Variants in PKHD1L1 observed in about 807,000 individuals in gnomAD.
The protein encoded by PKHD1L1 is PKHD1 like 1.
PKHD1L1 carries 434 observed loss-of-function variants against 462.9 expected under a neutral mutation model. The ratio of observed to expected loss-of-function variants is 0.94; its 90% CI spans 0.87 to 1.02. PKHD1L1 has a LOEUF of 1.02. Among genes scored for constraint, PKHD1L1 ranks in the 50% least tolerant of loss-of-function variants. The pLI is 0.00. For synonymous variants in PKHD1L1, 1,781 were observed against 1,750.0 expected (o/e 1.02, Z -0.44); for missense variants, 5,202 against 5,096.1 (o/e 1.02, Z -0.63).
At position 109,396,029 on chromosome 8, in the gene PKHD1L1, G is replaced by A. The variant is rs751291729; in HGVS notation, c.814G>A (p.Val272Ile). The A allele has an allele frequency of 6.3e-7, 1 of 1,589,570 alleles. No individual in the cohort carries two copies. Among genetic ancestry groups the A allele is most frequent in the Admixed American group, 1.7e-5 (1 of 57,598 alleles). The change falls in exon 11 of 78, where the codon GTC (valine) becomes ATC (isoleucine). Residue 272 changes from valine to isoleucine, a missense_variant and splice_region_variant. By Grantham distance (29) the Val-to-Ile change is conservative. Coordinates refer to ENST00000378402, the MANE Select transcript of PKHD1L1 (RefSeq NM_177531.6). ...TATTTAATGTGGTTTTCCCCCAGAGGTCACCATGATTTTCCCTTCACAAGG... is the reference window on the plus strand; with the variant it reads ...TATTTAATGTGGTTTTCCCCCAGAGATCACCATGATTTTCCCTTCACAAGG... ...KIAMFQTYAE[V>I]TMIFPSQGSI... is the part of the protein sequence containing the mutation.
rs766006081 is a variant in PKHD1L1, at chr8:109,384,163, C to T, written c.475+36C>T. The T allele has an allele frequency of 2.1e-6, 3 of 1,444,890 alleles. No homozygotes were observed. The Admixed American group carries it at 5.4e-5, about 26-fold the overall frequency. 89.5% of individuals were successfully genotyped at this position (1,444,890 alleles called of 1,614,324 possible). ...TGACATCTGAAATAACTTTTGGTTT[C>T]ATGGTAAATAATGTGTTTATTTTTT... On this transcript the variant is annotated intron_variant, in intron 5 of 77. Coordinates refer to ENST00000378402, the MANE Select transcript of PKHD1L1 (RefSeq NM_177531.6).
rs755745160 is a variant in PKHD1L1 at position 109,477,283 on chromosome 8, T to A, written c.8976T>A (p.Asp2992Glu). The A allele has an allele frequency of 8.1e-6, 13 of 1,613,592 alleles. No individual in the cohort carries two copies. The South Asian group carries it at 1.3e-4, about 16-fold the overall frequency. The change falls in exon 53 of 78, where the codon GAT becomes GAA. Residue 2992 changes from aspartate to glutamate, a missense_variant. Physicochemically the swap from Asp to Glu is conservative, Grantham distance 45. This residue lies in a region of PKHD1L1 where 4,497 missense variants were observed against 4,336.8 expected (regional missense o/e 1.04). Transcript: ENST00000378402. ...SQLISGNLDPDVKDVVINFQA... is the reference protein window; with the variant it reads ...SQLISGNLDPEVKDVVINFQA... ...TCATTTCTGGGAACCTGGATCCTGA[T>A]GTGAAAGACGTTGTTATTAATTTCC...
Position 109,463,795 on chromosome 8 carries a change from A to G in PKHD1L1, c.7384-421A>G, listed in dbSNP as rs139359752. ...TGGTAAGTGCCTACTTTAGGGGATT[A>G]TGGCAAAGACTAGGATCATGCATGC... On this transcript the variant is annotated intron_variant, in intron 48 of 77. Coordinates refer to ENST00000378402, the MANE Select transcript of PKHD1L1 (RefSeq NM_177531.6). Among the ~76,000 whole-genome samples the G allele has an allele frequency of 1.7e-3, 263 of 152,340 alleles. 1 individual carries two copies. The highest frequency in any genetic ancestry group is 0.017 in the Middle Eastern group (5 of 294).
chr8:109,404,867 C>A, intron 15 of PKHD1L1, 128 bp from the exon 16 acceptor site: 1 of 1,111,666 alleles, frequency 9.0e-7, no homozygotes, highest in Non-Finnish European at 1.2e-6. Flanking sequence ...TACGATAAGC[C>A]AAAAAGGCTG....
Position 109,388,527 on chromosome 8 carries a change from T to C in PKHD1L1, c.600T>C (p.Leu200=). The C allele has an allele frequency of 6.6e-7, 1 of 1,519,502 alleles. No homozygotes were observed. Among genetic ancestry groups the C allele is most frequent in the Non-Finnish European group, 8.9e-7 (1 of 1,118,778 alleles). 94.1% of individuals were successfully genotyped at this position (1,519,502 alleles called of 1,614,324 possible). A position where few individuals can be genotyped will look rare whatever the true frequency, so the allele number is the denominator to read the frequency against. ...RVYIGGMPCE[L]LIPQSDNLYG... is the part of the protein sequence containing the mutation. ...ACATTGGAGGAATGCCCTGTGAGCTTCTCATACCACAATCTGATAATTTGT... is the reference window on the plus strand; with the variant it reads ...ACATTGGAGGAATGCCCTGTGAGCTCCTCATACCACAATCTGATAATTTGT... The change falls in exon 7 of 78, where the codon CTT becomes CTC. Residue 200 remains leucine, a synonymous_variant. Transcript: ENST00000378402.
chr8:109,399,980 G>C, intron 12 of PKHD1L1, 96 bp from the exon 13 acceptor site: 2 of 1,268,750 alleles, frequency 1.6e-6, no homozygotes, highest in Non-Finnish European at 1.1e-6. Context: ...AATATGAATT[G>C]ATATACAAAA....
At chr8:109,425,790 G>T (rs1814715328) in intron 24 of PKHD1L1, among the ~76,000 whole-genome samples, 1 of 152,026 alleles carries the variant, frequency 6.6e-6, no homozygotes, top group South Asian at 2.1e-4. Flanking sequence ...TATTCAATAT[G>T]GTAGCCATGA....
chr8:109,378,662 C>T (rs947068058), intron 2 of PKHD1L1, among the ~76,000 whole-genome samples: 6 of 152,176 alleles, frequency 3.9e-5, no homozygotes, highest in African/African-American at 1.4e-4. Flanking sequence ...GCTCTTAAGT[C>T]ACTTCTCACT....
At chr8:109,408,995 A>G (rs995790782) in intron 18 of PKHD1L1, among the ~76,000 whole-genome samples, 1 of 152,204 alleles carries the variant, frequency 6.6e-6, no homozygotes, top group African/African-American at 2.4e-5. Flanking sequence ...AGCCATTCAT[A>G]AAGAAAGAAT....
rs985001613 is a variant in PKHD1L1 at position 109,440,761 on chromosome 8, T to A, written c.4008T>A (p.Phe1336Leu). ...IQYVLEVTSMFPQRGSLFGGT... is the reference protein window; with the variant it reads ...IQYVLEVTSMLPQRGSLFGGT... Reference sequence around the variant, plus strand: ...ATGTTTTAGAAGTGACCAGCATGTTTCCACAAAGAGGCTCCTTGTTTGGTG... The same window carrying A: ...ATGTTTTAGAAGTGACCAGCATGTTACCACAAAGAGGCTCCTTGTTTGGTG... The change falls in exon 33 of 78, where the codon TTT becomes TTA. Residue 1336 changes from phenylalanine (F) to leucine (L), a missense_variant. Coordinates refer to ENST00000378402, the MANE Select transcript of PKHD1L1 (RefSeq NM_177531.6). 1.9e-6 allele frequency: 3 copies of A among 1,613,034 alleles called. No homozygotes were observed. In the Admixed American group the frequency reaches 5.0e-5, roughly 27 times the overall value.
chr8:109,369,489 A>G (rs992230310), intron 2 of PKHD1L1, among the ~76,000 whole-genome samples: 15 of 152,098 alleles, frequency 9.9e-5, no homozygotes, highest in Admixed American at 3.9e-4. Flanking sequence ...TATATATTTG[A>G]CATTATAGTA....
intron 2 of PKHD1L1, among the ~76,000 whole-genome samples, chr8:109,373,468 G>T (rs373316112): frequency 1.4e-5 from 2 of 139,044 alleles, no homozygotes; most frequent in East Asian, 2.3e-4. Flanking sequence ...CCTGGATTCA[G>T]TGATTTTTTG....
chr8:109,517,530 A>G (rs1431819479), intron 72 of PKHD1L1, among the ~76,000 whole-genome samples: 3 of 152,112 alleles, frequency 2.0e-5, no homozygotes, highest in Admixed American at 6.6e-5. Context: ...AATCATACAT[A>G]TATTCATTCA....
rs200316129 is a variant in PKHD1L1, at chr8:109,401,577, G to A, written c.1362G>A (p.Gln454=). Residue 454 remains glutamine, a synonymous_variant, in exon 14 of 78, where the codon CAG becomes CAA. Transcript: ENST00000378402. ...PTQRSDDIHL[Q]KGKEYYIEIL... ...AAAGATCAGATGATATTCATCTGCA[G>A]AAAGGAAAAGAGTAAGGCTTTTTCC... The A allele has an allele frequency of 3.3e-5, 52 of 1,560,624 alleles. No individual in the cohort carries two copies. In the African/African-American group the frequency reaches 6.6e-4, roughly 20 times the overall value.
At chr8:109,423,360 T>C (rs2130656855) in intron 23 of PKHD1L1, among the ~76,000 whole-genome samples, 1 of 152,306 alleles carries the variant, frequency 6.6e-6, no homozygotes, top group South Asian at 2.1e-4. Context: ...ATGCCTCCAA[T>C]TGTTTCAGCA....
At chr8:109,440,560 G>C in intron 32 of PKHD1L1, 150 bp from the exon 33 acceptor site, 1 of 594,302 alleles carries the variant, frequency 1.7e-6, no homozygotes, top group Non-Finnish European at 2.7e-6. Context: ...TCGAGATTAT[G>C]ATAATTGCCA....
chr8:109,383,134 ATTATTGTATATAT>A (rs1812219980), intron 4 of PKHD1L1, among the ~76,000 whole-genome samples: 3 of 96,886 alleles, frequency 3.1e-5, no homozygotes, highest in African/African-American at 1.3e-4. Flanking sequence ...AGTTATATAT[ATTATTGTATATAT>A]TATATATATT....
intron 2 of PKHD1L1, among the ~76,000 whole-genome samples, chr8:109,374,198 A>G: frequency 6.6e-6 from 1 of 152,198 alleles, no homozygotes; most frequent in African/African-American, 2.4e-5. Context: ...TACTGGGCGC[A>G]TATATATTTA....
At chr8:109,385,665 T>C in intron 6 of PKHD1L1, 35 bp downstream of exon 6, 1 of 1,336,792 alleles carries the variant, frequency 7.5e-7, no homozygotes, top group Non-Finnish European at 1.1e-6. Context: ...TTCTTATAAC[T>C]CATAAATGAG....
Sources: allele counts gnomAD v4.1 joint callset (sites outside exome capture counted in the v4.1 genomes callset), GRCh38; gene constraint gnomAD v4.1.1; regional missense constraint gnomAD v4.1.1; transcripts MANE v1.5; gene names NCBI Gene and HGNC (gene_info 2026-07-23, HGNC 2026-07-21).